The following MSH4 variants were observed in gnomAD, a reference collection of about 807,000 sequenced individuals.
MSH4 encodes mutS protein homolog 4.
MSH4 carries 106 observed loss-of-function variants against 113.7 expected under a neutral mutation model. That is an observed-to-expected ratio of 0.93 (90% CI 0.80 to 1.10). The LOEUF (loss-of-function observed/expected upper bound fraction) is 1.10. Ranked by LOEUF, MSH4 falls within the 50% of genes least tolerant of loss-of-function variation. The probability of loss-of-function intolerance (pLI) is 0.00; values close to 1 mark genes in which losing one functional copy is unlikely to be tolerated. For synonymous variants in MSH4, 368 were observed against 380.2 expected (o/e 0.97, Z 0.37); for missense variants, 1,061 against 1,093.7 (o/e 0.97, Z 0.42).
At position 75,890,721 on chromosome 1, in the gene MSH4, A is replaced by G; in HGVS notation, c.2252A>G (p.Asn751Ser). The G allele has an allele frequency of 6.3e-7, 1 of 1,597,322 alleles. No individual in the cohort carries two copies. The highest frequency in any genetic ancestry group is 1.3e-5 in the African/African-American group (1 of 74,568). ...ATAGCATATATTCTACATAATGCTA[A>G]TGACAAATCGCTCATATTAATTGAT... Reference protein sequence around the residue: ...KEIAYILHNANDKSLILIDEL... With the variant: ...KEIAYILHNASDKSLILIDEL... Residue 751 changes from asparagine (N) to serine (S), a missense_variant, in exon 17 of 20, where the codon AAT becomes AGT. Physicochemically the swap from Asn to Ser is conservative, Grantham distance 46. Coordinates refer to ENST00000263187, the MANE Select transcript of MSH4 (RefSeq NM_002440.4).
At chr1:75,858,841 T>C (rs1651383967) in intron 8 of MSH4, among the ~76,000 whole-genome samples, 1 of 152,224 alleles carries the variant, frequency 6.6e-6, no homozygotes, top group Admixed American at 6.5e-5. Context: ...GAAGGAATGG[T>C]CCCAGCTCCT....
At chr1:75,846,583 C>G (rs1042857709) in intron 7 of MSH4, among the ~76,000 whole-genome samples, 1 of 152,172 alleles carries the variant, frequency 6.6e-6, no homozygotes, top group African/African-American at 2.4e-5. Flanking sequence ...ACTCCAGTTT[C>G]CAAGATTTTG....
chr1:75,890,941 A>G (rs1377441453), intron 17 of MSH4, 117 bp downstream of exon 17: 5 of 902,386 alleles, frequency 5.5e-6, no homozygotes, highest in African/African-American at 1.8e-5. Flanking sequence ...TAGTAAACAC[A>G]TATCATCGCA....
In MSH4 at chr1:75,822,560, C is replaced by G. The variant is rs747469498; in HGVS notation, c.1141C>G (p.Leu381Val). 2.0e-6 allele frequency: 3 copies of G among 1,526,824 alleles called. No individual in the cohort carries two copies. Among genetic ancestry groups the G allele is most frequent in the African/African-American group, 2.9e-5 (2 of 69,756 alleles). 94.6% of individuals were successfully genotyped at this position (1,526,824 alleles called of 1,614,324 possible). A position where few individuals can be genotyped will look rare whatever the true frequency, so the allele number is the denominator to read the frequency against. The change falls in exon 7 of 20, where the codon CTA becomes GTA. Residue 381 changes from leucine (L) to valine (V), a missense_variant. Transcript: ENST00000263187. Reference sequence around the variant, plus strand: ...TCAAGAACTACTTCAAGATGAGGAACTATTTTTTGGACTTCAATCAGGTAA... The same window carrying G: ...TCAAGAACTACTTCAAGATGAGGAAGTATTTTTTGGACTTCAATCAGGTAA... ...CVQELLQDEE[L>V]FFGLQSVISR...
rs139073578 is a variant in MSH4 at position 75,880,150 on chromosome 1, A to G, written c.1778A>G (p.Tyr593Cys). 4.7e-6 allele frequency: 7 copies of G among 1,480,458 alleles called. No homozygotes were observed. Among genetic ancestry groups the G allele is most frequent in the Non-Finnish European group, 6.5e-6 (7 of 1,071,752 alleles). The allele number at this position is 1,480,458 out of a possible 1,614,324, so 91.7% of individuals were successfully genotyped here. ...ESLREIYHMT[Y>C]MIVCKLLSEI... ...TTGAGAGAAATCTATCACATGACTT[A>G]TATGTAAGAGCATTTGAAGTATTTG... The change falls in exon 13 of 20, where the codon TAT becomes TGT. Residue 593 changes from tyrosine (Y) to cysteine (C), a missense_variant. Tyr to Cys is a radical substitution (Grantham distance 194). Transcript: ENST00000263187.
intron 19 of MSH4, 68 bp downstream of exon 19, chr1:75,899,774 G>T: frequency 1.5e-6 from 1 of 671,640 alleles, no homozygotes. Context: ...TTTTTATTAT[G>T]ACCTTTGATC....
intron 8 of MSH4, among the ~76,000 whole-genome samples, chr1:75,849,151 C>T (rs1455587658): frequency 1.3e-5 from 2 of 152,100 alleles, no homozygotes; most frequent in African/African-American, 4.8e-5. Context: ...AGGCTGATCT[C>T]GAACTCCTGA....
intron 9 of MSH4, among the ~76,000 whole-genome samples, chr1:75,873,685 A>T (rs1651758760): frequency 6.6e-6 from 1 of 152,044 alleles, no homozygotes; most frequent in African/African-American, 2.4e-5. Context: ...TTCCTGTGTT[A>T]ATTTGCTAAG....
chr1:75,821,565 A>C (rs1250881), intron 6 of MSH4, among the ~76,000 whole-genome samples: 120,591 of 152,116 alleles, frequency 0.79, 48,358 homozygotes, highest in South Asian at 0.9. Flanking sequence ...CAGAGCAGAA[A>C]TGAAGGAAAT....
intron 15 of MSH4, among the ~76,000 whole-genome samples, chr1:75,885,200 A>T (rs1652044329): frequency 6.9e-6 from 1 of 145,138 alleles, no homozygotes; most frequent in Non-Finnish European, 1.5e-5. Context: ...GTATATATAT[A>T]GGGTATATAT....
intron 19 of MSH4, among the ~76,000 whole-genome samples, chr1:75,906,346 T>C: frequency 7.0e-6 from 1 of 142,768 alleles, no homozygotes; most frequent in Admixed American, 7.7e-5. Context: ...TTACTTGTTA[T>C]CTGGTTGTTT....
intron 7 of MSH4, among the ~76,000 whole-genome samples, chr1:75,840,882 C>G (rs1650945200): frequency 6.6e-6 from 1 of 152,000 alleles, no homozygotes; most frequent in Non-Finnish European, 1.5e-5. Context: ...CATGCAATAA[C>G]AATTGAGTAG....
rs1175481213 is a variant in MSH4, at chr1:75,885,969, ATG to A, written c.2107+2150_2107+2151del. Among the ~76,000 whole-genome samples, 16 of 111,118 alleles carry A rather than the reference ATG, an allele frequency of 1.4e-4. 1 individual carries two copies. Among genetic ancestry groups the A allele is most frequent in the African/African-American group, 2.5e-4 (7 of 27,906 alleles). 72.9% of individuals were successfully genotyped at this position (111,118 alleles called of 152,430 possible). A position where few individuals can be genotyped will look rare whatever the true frequency, so the allele number is the denominator to read the frequency against. On this transcript the variant is annotated intron_variant, in intron 15 of 19. Transcript: ENST00000263187. ...TAATATATATGATGTATTATATAGC[ATG>A]TATAGTATATATGATGTATTATATA...
chr1:75,796,975 G>C lies in MSH4; in HGVS notation c.-11G>C. The C allele has an allele frequency of 6.2e-7, 1 of 1,613,862 alleles. No individual in the cohort carries two copies. The stretch of plus-strand genomic sequence containing the variant: ...ACCTCATACTTCTCGGGTCAGGGAA[G>C]GTTTGGGAGGATGCTGAGGCCTGAG... On this transcript the variant is annotated 5_prime_UTR_variant, in exon 1 of 20. Coordinates refer to ENST00000263187, the MANE Select transcript of MSH4 (RefSeq NM_002440.4).
At chr1:75,889,833 T>C (rs1198733116) in intron 16 of MSH4, among the ~76,000 whole-genome samples, 1 of 152,114 alleles carries the variant, frequency 6.6e-6, no homozygotes, top group Non-Finnish European at 1.5e-5. Context: ...AAGTAGGCTT[T>C]AGAACTGAAG....
At chr1:75,875,176 G>T (rs183005884) in intron 9 of MSH4, among the ~76,000 whole-genome samples, 1 of 152,326 alleles carries the variant, frequency 6.6e-6, no homozygotes, top group East Asian at 1.9e-4. Context: ...TTACAGGTGT[G>T]AGCCATGGCG....
At chr1:75,904,932 A>C (rs1652589250) in intron 19 of MSH4, among the ~76,000 whole-genome samples, 1 of 151,876 alleles carries the variant, frequency 6.6e-6, no homozygotes, top group Admixed American at 6.6e-5. Context: ...CTGTGGTATC[A>C]ATTGTTATGT....
At chr1:75,854,015 A>ATG (rs1651256400) in intron 8 of MSH4, among the ~76,000 whole-genome samples, 1 of 141,416 alleles carries the variant, frequency 7.1e-6, no homozygotes, top group African/African-American at 2.5e-5. Context: ...GTGTGTGTGT[A>ATG]TATATATATA....
intron 18 of MSH4, among the ~76,000 whole-genome samples, chr1:75,898,415 A>G (rs1652431090): frequency 2.0e-5 from 3 of 152,028 alleles, no homozygotes; most frequent in Admixed American, 6.6e-5. Context: ...TTTCTACACA[A>G]TCTTTCAGTA....
Sources: allele counts gnomAD v4.1 joint callset (sites outside exome capture counted in the v4.1 genomes callset), GRCh38; gene constraint gnomAD v4.1.1; transcripts MANE v1.5; gene names NCBI Gene and HGNC (gene_info 2026-07-23, HGNC 2026-07-21).